HTR3B: variants seen among roughly 807,000 people sequenced by gnomAD.
The protein encoded by HTR3B is 5-hydroxytryptamine (serotonin) receptor 3B, ionotropic.
A neutral mutation model predicts 42.8 loss-of-function variants in HTR3B; 44 were observed. The observed-to-expected ratio is 1.03, with a 90% confidence interval of 0.81 to 1.32. HTR3B has a LOEUF of 1.32. HTR3B is among the 40% of genes most tolerant of loss of function. The pLI, the probability that HTR3B is intolerant of heterozygous loss-of-function variation, is 0.00. For missense variants in HTR3B, 527 were observed against 536.5 expected, an observed-to-expected ratio of 0.98 and a Z score of 0.17; for synonymous variants, 203 against 209.0, an observed-to-expected ratio of 0.97 and a Z score of 0.25.
intron 6 of HTR3B, among the ~76,000 whole-genome samples, chr11:113,935,400 G>A (rs1950083264): frequency 1.6e-5 from 2 of 126,480 alleles, no homozygotes; most frequent in Admixed American, 1.6e-4. Context: ...TAGCAGGGCT[G>A]GCCTCTGCCC....
intron 6 of HTR3B, among the ~76,000 whole-genome samples, chr11:113,942,150 A>G (rs921663681): frequency 7.9e-5 from 12 of 152,140 alleles, no homozygotes; most frequent in African/African-American, 2.7e-4. Context: ...CAGGGGGATC[A>G]CCTGAGGTCA....
chr11:113,943,130 C>A lies in HTR3B; in HGVS notation c.845C>A (p.Thr282Asn). ...AAGACCAGTGTGCTGGTGGGCTACA[C>A]CGTCTTCAGGGTCAACATGTCCAAC... is the stretch of plus-strand genomic sequence containing the variant. The part of the protein sequence containing the change: ...VFKTSVLVGY[T>N]VFRVNMSNQV... Residue 282 changes from threonine to asparagine, a missense_variant, in exon 7 of 9, where the codon ACC becomes AAC. Physicochemically the swap from Thr to Asn is moderately conservative, Grantham distance 65. Transcript: ENST00000260191. 1.2e-6 allele frequency: 2 copies of A among 1,614,096 alleles called. No individual in the cohort carries two copies. The highest frequency in any genetic ancestry group is 8.5e-7 in the Non-Finnish European group (1 of 1,180,012).
At position 113,920,894 on chromosome 11, in the gene HTR3B, C is replaced by T. The variant is rs141480988; in HGVS notation, c.214-10490C>T. On this transcript the variant is annotated intron_variant, in intron 2 of 8. Coordinates refer to ENST00000260191, the MANE Select transcript of HTR3B (RefSeq NM_006028.5). Reference sequence around the variant, plus strand: ...CTGGTGCAATCTCGGCTCACTGCAACCTCTGCCTCCTGGGTTCAAGCGATT... The same window carrying T: ...CTGGTGCAATCTCGGCTCACTGCAATCTCTGCCTCCTGGGTTCAAGCGATT... 3.1e-3 allele frequency among the ~76,000 whole-genome samples: 464 copies of T among 152,072 alleles called. 2 individuals carry two copies. Among genetic ancestry groups the T allele is most frequent in the African/African-American group, 0.011 (448 of 41,452 alleles).
At chr11:113,933,138 C>A in intron 6 of HTR3B, 45 bp downstream of exon 6, 1 of 1,582,824 alleles carries the variant, frequency 6.3e-7, no homozygotes, top group Non-Finnish European at 8.6e-7. Flanking sequence ...TCTCCCCAGC[C>A]TTTGGCCTTC....
intron 6 of HTR3B, among the ~76,000 whole-genome samples, chr11:113,937,274 A>G (rs1364079490): frequency 6.6e-6 from 1 of 152,206 alleles, no homozygotes; most frequent in Non-Finnish European, 1.5e-5. Context: ...ACTGACCTCA[A>G]GAGGATAGCC....
chr11:113,919,293 C>T (rs546763889), intron 2 of HTR3B, among the ~76,000 whole-genome samples: 5 of 152,048 alleles, frequency 3.3e-5, no homozygotes, highest in Admixed American at 6.6e-5. Flanking sequence ...TACCTGCTCC[C>T]GCCTCTTTTG....
Position 113,904,948 on chromosome 11 carries a change from A to T in HTR3B, c.15A>T (p.Val5=), listed in dbSNP as rs146157876. ...TCTGCCCAGGAATGTTGTCAAGTGT[A>T]ATGGCTCCCCTGTGGGCCTGCATCC... MLSS[V]MAPLWACILV... is the part of the protein sequence containing the mutation. Residue 5 remains valine (V), a synonymous_variant, in exon 1 of 9, where the codon GTA becomes GTT. Coordinates refer to ENST00000260191, the MANE Select transcript of HTR3B (RefSeq NM_006028.5). 6.2e-6 allele frequency: 10 copies of T among 1,613,676 alleles called. No homozygotes were observed. The African/African-American group carries it at 1.1e-4, about 17-fold the overall frequency.
chr11:113,908,445 A>G (rs1443675620), intron 1 of HTR3B, among the ~76,000 whole-genome samples: 1 of 152,194 alleles, frequency 6.6e-6, no homozygotes, highest in Non-Finnish European at 1.5e-5. Flanking sequence ...GGAGGTGTGC[A>G]ATTTGCTTCG....
intron 2 of HTR3B, among the ~76,000 whole-genome samples, chr11:113,909,984 CAAAAAAAAAA>C (rs1178070726): frequency 5.1e-5 from 2 of 39,002 alleles, no homozygotes; most frequent in South Asian, 9.8e-4. Context: ...ACCTTGTCTC[CAAAAAAAAAA>C]AAAAAAAAAA....
intron 6 of HTR3B, among the ~76,000 whole-genome samples, chr11:113,940,085 C>G (rs1011893554): frequency 3.9e-5 from 6 of 152,098 alleles, no homozygotes; most frequent in Non-Finnish European, 7.4e-5. Context: ...TGGGGTTTGA[C>G]TACTTTGGTC....
chr11:113,948,766 G>A lies in HTR3B; in HGVS notation c.*2629G>A, dbSNP rs1950198149. 1.3e-5 allele frequency among the ~76,000 whole-genome samples: 2 copies of A among 152,114 alleles called. No homozygotes were observed. Among genetic ancestry groups the A allele is most frequent in the South Asian group, 2.1e-4 (1 of 4,834 alleles). On this transcript the variant is annotated 3_prime_UTR_variant, in exon 9 of 9. Coordinates refer to ENST00000260191, the MANE Select transcript of HTR3B (RefSeq NM_006028.5). ...TAATCCCACCTACTCGGGGGGCTGA[G>A]GCAGGAGAATCGCTTGAACCCAGGA...
At chr11:113,905,608 A>G (rs571917236) in intron 1 of HTR3B, among the ~76,000 whole-genome samples, 30 of 152,316 alleles carry the variant, frequency 2.0e-4, no homozygotes, top group Non-Finnish European at 3.7e-4. Flanking sequence ...TTCTAGAACT[A>G]TATTTCCATG....
chr11:113,918,606 A>G (rs1365658896), intron 2 of HTR3B, among the ~76,000 whole-genome samples: 1 of 148,068 alleles, frequency 6.8e-6, no homozygotes. Flanking sequence ...TTGTTGCTGA[A>G]TACTATTCCA....
intron 2 of HTR3B, among the ~76,000 whole-genome samples, chr11:113,930,395 TA>T (rs1327570994): frequency 2.0e-5 from 3 of 151,972 alleles, no homozygotes; most frequent in Non-Finnish European, 4.4e-5. Context: ...TATCCCTTTT[TA>T]AAAAATTCCT....
At chr11:113,906,219 A>C (rs1240034180) in intron 1 of HTR3B, among the ~76,000 whole-genome samples, 1 of 152,176 alleles carries the variant, frequency 6.6e-6, no homozygotes, top group Non-Finnish European at 1.5e-5. Context: ...GTGGAATTGT[A>C]CTGGGTTTTA....
In HTR3B at chr11:113,943,044, C is replaced by T; in HGVS notation, c.759C>T (p.Leu253=). ...GTCTGCTGATTCCTAGCATCTTTCT[C>T]ATGCTGGTGGACCTGGGGAGCTTCT... ...VVSLLIPSIF[L]MLVDLGSFYL... The change falls in exon 7 of 9, where the codon CTC becomes CTT. Residue 253 remains leucine, a synonymous_variant. Coordinates refer to ENST00000260191, the MANE Select transcript of HTR3B (RefSeq NM_006028.5). 1 of 1,614,130 alleles carries T rather than the reference C, an allele frequency of 6.2e-7. No homozygotes were observed. Among genetic ancestry groups the T allele is most frequent in the Non-Finnish European group, 8.5e-7 (1 of 1,180,040 alleles).
upstream of HTR3B, among the ~76,000 whole-genome samples, chr11:113,902,006 T>C (rs1949700524): frequency 6.6e-6 from 1 of 152,206 alleles, no homozygotes. Context: ...AAAGAACTGA[T>C]AGGAAGAGCT....
chr11:113,944,132 G>A (rs1341620694), intron 7 of HTR3B, among the ~76,000 whole-genome samples: 1 of 151,292 alleles, frequency 6.6e-6, no homozygotes, highest in African/African-American at 2.4e-5. Context: ...CAATTCCCCT[G>A]CCTCAGCCTC....
At chr11:113,937,575 T>C (rs1325943928) in intron 6 of HTR3B, among the ~76,000 whole-genome samples, 1 of 152,220 alleles carries the variant, frequency 6.6e-6, no homozygotes, top group East Asian at 1.9e-4. Context: ...AGGAGATGAG[T>C]GATCCAAGTA....
Sources: gnomAD v4.1 joint callset for allele counts (sites outside exome capture counted in the v4.1 genomes callset) on GRCh38, gnomAD v4.1.1 for gene constraint, MANE v1.5 for transcripts, NCBI Gene and HGNC (gene_info 2026-07-23, HGNC 2026-07-21) for gene names.